Variants in LMTK3 observed in about 807,000 individuals in gnomAD.
LMTK3 encodes the protein serine/threonine-protein kinase LMTK3.
A neutral mutation model predicts 116.7 loss-of-function variants in LMTK3; 27 were observed. The ratio of observed to expected loss-of-function variants is 0.23; its 90% CI spans 0.17 to 0.32. The LOEUF (loss-of-function observed/expected upper bound fraction) is 0.32. Ranked by LOEUF, LMTK3 falls within the 10% of genes least tolerant of loss-of-function variation. LMTK3 has a pLI of 1.00. For synonymous variants in LMTK3, 965 were observed against 971.0 expected, an observed-to-expected ratio of 0.99 and a Z score of 0.11; for missense variants, 1,764 against 2,068.5, an observed-to-expected ratio of 0.85 and a Z score of 2.86.
In LMTK3 at chr19:48,499,388, C is replaced by A; in HGVS notation, c.1681G>T (p.Asp561Tyr). ...PLFPNDWDPL[D>Y]PGVPAPQAPQ... ...GCCTGAGGGGCGGGCACTCCTGGGT[C>A]CAGGGGGTCCCAGTCGTTGGGGAAG... Residue 561 changes from aspartate to tyrosine, a missense_variant, in exon 11 of 15, where the codon GAC becomes TAC. Coordinates refer to ENST00000600059, the MANE Select transcript of LMTK3 (RefSeq NM_001388485.1). 1 of 1,446,102 alleles carries A rather than the reference C, an allele frequency of 6.9e-7. No homozygotes were observed. Among genetic ancestry groups the A allele is most frequent in the Non-Finnish European group, 9.1e-7 (1 of 1,098,652 alleles). The allele number at this position is 1,446,102 out of a possible 1,614,324, so 89.6% of individuals were successfully genotyped here. A position where few individuals can be genotyped will look rare whatever the true frequency, so the allele number is the denominator to read the frequency against.
At chr19:48,492,897 T>C (rs1601042654) in intron 12 of LMTK3, among the ~76,000 whole-genome samples, 1 of 145,714 alleles carries the variant, frequency 6.9e-6, no homozygotes, top group Non-Finnish European at 1.5e-5. Flanking sequence ...CCGCCCCAGC[T>C]CTAGGCTCGG....
chr19:48,491,497 C>T lies in LMTK3; in HGVS notation c.4135G>A (p.Gly1379Arg). Residue 1379 changes from glycine to arginine, a missense_variant, in exon 13 of 15, where the codon GGG becomes AGG. Transcript: ENST00000600059. This position sits in a 1 kb window ranked among gnomAD's most constrained non-coding sequence, Gnocchi z 5.1. The stretch of plus-strand genomic sequence containing the variant: ...GGAGGCGTTGACGGGTCCGTGTCCC[C>T]CTCGGGGGGGGCCTGGACGCTCAGC... ...NELSVQAPPE[G>R]DTDPSTPPAP... is the part of the protein sequence containing the mutation. 7.1e-7 allele frequency: 1 copy of T among 1,408,230 alleles called. No individual in the cohort carries two copies. The highest frequency in any genetic ancestry group is 9.3e-7 in the Non-Finnish European group (1 of 1,078,318). 87.2% of individuals were successfully genotyped at this position (1,408,230 alleles called of 1,614,324 possible). A position where few individuals can be genotyped will look rare whatever the true frequency, so the allele number is the denominator to read the frequency against.
chr19:48,513,081 C>T, upstream of LMTK3: 1 of 1,393,084 alleles, frequency 7.2e-7, no homozygotes, highest in South Asian at 1.2e-5. This position sits in a 1 kb window ranked among gnomAD's most constrained non-coding sequence, Gnocchi z 5.6. Flanking sequence ...TACAAAGAGT[C>T]ACACACCCAC....
intron 12 of LMTK3, 145 bp downstream of exon 12, chr19:48,493,549 C>T (rs1972265208): frequency 1.6e-6 from 2 of 1,235,170 alleles, no homozygotes; most frequent in Non-Finnish European, 2.1e-6. Flanking sequence ...CTCGGCCTCC[C>T]TTCAGGCCCC....
chr19:48,491,377 C>A lies in LMTK3; in HGVS notation c.4228+27G>T. 2 of 1,364,538 alleles carry A rather than the reference C, an allele frequency of 1.5e-6. No individual in the cohort carries two copies. The highest frequency in any genetic ancestry group is 9.5e-7 in the Non-Finnish European group (1 of 1,056,270). The allele number at this position is 1,364,538 out of a possible 1,614,324, so 84.5% of individuals were successfully genotyped here. On this transcript the variant is annotated intron_variant, in intron 13 of 14. Coordinates refer to ENST00000600059, the MANE Select transcript of LMTK3 (RefSeq NM_001388485.1). The surrounding 1 kb of genome is among the most constrained non-coding windows in gnomAD (Gnocchi z 5.1). The stretch of plus-strand genomic sequence containing the variant: ...CCGTCCGCCCCATGGCTCCCGCCCC[C>A]TCCCGCCCCATAGGGCCCGTCCTCA...
At chr19:48,508,363 C>G (rs185486729) in intron 5 of LMTK3, among the ~76,000 whole-genome samples, 32 of 152,196 alleles carry the variant, frequency 2.1e-4, no homozygotes, top group African/African-American at 6.7e-4. Flanking sequence ...ATTTATCTGG[C>G]AAATGGATAC....
Position 48,499,790 on chromosome 19 carries a change from G to T in LMTK3, c.1279C>A (p.Arg427=). ...PRPPPPPPPP[R]DGPFPWPWPP... Reference sequence around the variant, plus strand: ...CAGGGCCAGGGGAAGGGACCGTCTCGGGGTGGGGGTGGCGGCGGTGGGGGC... The same window carrying T: ...CAGGGCCAGGGGAAGGGACCGTCTCTGGGTGGGGGTGGCGGCGGTGGGGGC... Residue 427 remains arginine, a synonymous_variant, in exon 11 of 15, where the codon CGA becomes AGA. Transcript: ENST00000600059. The T allele has an allele frequency of 6.5e-7, 1 of 1,541,576 alleles. No individual in the cohort carries two copies. Among genetic ancestry groups the T allele is most frequent in the Non-Finnish European group, 8.8e-7 (1 of 1,142,756 alleles).
chr19:48,496,296 C>CTT (rs1365263028), intron 11 of LMTK3, among the ~76,000 whole-genome samples: 5 of 142,202 alleles, frequency 3.5e-5, no homozygotes, highest in African/African-American at 1.4e-4. Flanking sequence ...TTTTCTTTTT[C>CTT]TTTTCTTTTT....
Position 48,499,800 on chromosome 19 carries a change from T to C in LMTK3, c.1269A>G (p.Pro423=). ...SERPPRPPPP[P]PPPRDGPFPW... is the part of the protein sequence containing the mutation. ...GGAAGGGACCGTCTCGGGGTGGGGG[T>C]GGCGGCGGTGGGGGCCGGGGAGGCC... The change falls in exon 11 of 15, where the codon CCA becomes CCG. Residue 423 remains proline, a synonymous_variant. Transcript: ENST00000600059. The C allele has an allele frequency of 2.3e-6, 1 of 430,052 alleles. No individual in the cohort carries two copies. The highest frequency in any genetic ancestry group is 1.3e-4 in the East Asian group (1 of 7,916). 26.6% of individuals were successfully genotyped at this position (430,052 alleles called of 1,614,324 possible).
chr19:48,499,789 C>T lies in LMTK3; in HGVS notation c.1280G>A (p.Arg427Gln). 7.1e-6 allele frequency: 3 copies of T among 420,364 alleles called. No individual in the cohort carries two copies. The highest frequency in any genetic ancestry group is 6.6e-5 in the South Asian group (2 of 30,394). The allele number at this position is 420,364 out of a possible 1,614,324, so 26.0% of individuals were successfully genotyped here. A position where few individuals can be genotyped will look rare whatever the true frequency, so the allele number is the denominator to read the frequency against. The change falls in exon 11 of 15, where the codon CGA becomes CAA. Residue 427 changes from arginine (R) to glutamine (Q), a missense_variant. Arg to Gln is a conservative substitution (Grantham distance 43). Coordinates refer to ENST00000600059, the MANE Select transcript of LMTK3 (RefSeq NM_001388485.1). ...CCAGGGCCAGGGGAAGGGACCGTCTCGGGGTGGGGGTGGCGGCGGTGGGGG... is the reference window on the plus strand; with the variant it reads ...CCAGGGCCAGGGGAAGGGACCGTCTTGGGGTGGGGGTGGCGGCGGTGGGGG... ...PRPPPPPPPP[R>Q]DGPFPWPWPP...
At chr19:48,513,358 A>G (rs1262601711), upstream of LMTK3, 2 of 627,508 alleles carry the variant, frequency 3.2e-6, no homozygotes, top group Admixed American at 4.9e-5. This position sits in a 1 kb window ranked among gnomAD's most constrained non-coding sequence, Gnocchi z 5.6. Flanking sequence ...AGATGAGGCA[A>G]CTGAGGCACA....
At chr19:48,489,508 G>A (rs1024634385) in intron 14 of LMTK3, among the ~76,000 whole-genome samples, 6 of 151,448 alleles carry the variant, frequency 4.0e-5, no homozygotes, top group Non-Finnish European at 7.4e-5. Flanking sequence ...GGGAGGTGGA[G>A]GTTGCAATGA....
rs763199425 is a variant in LMTK3, at chr19:48,497,839, G to T, written c.3230C>A (p.Pro1077Gln). ...GGETAPGPLG[P>Q]APKNGTLEPG... ...TTCCAGCGTCCCGTTCTTGGGGGCT[G>T]GGCCAAGGGGGCCAGGGGCTGTCTC... is the stretch of plus-strand genomic sequence containing the variant. The change falls in exon 11 of 15, where the codon CCA (proline) becomes CAA (glutamine). Residue 1077 changes from proline to glutamine, a missense_variant. Physicochemically the swap from Pro to Gln is moderately conservative, Grantham distance 76. Around this residue, in one of 7 missense-constraint regions of LMTK3, gnomAD observed 1,028 missense variants for 1,050.6 expected, o/e 0.98. Transcript: ENST00000600059. This position sits in a 1 kb window ranked among gnomAD's most constrained non-coding sequence, Gnocchi z 5.7. 22 of 1,414,974 alleles carry T rather than the reference G, an allele frequency of 1.6e-5. No homozygotes were observed. The Admixed American group carries it at 2.9e-4, about 18-fold the overall frequency. 87.7% of individuals were successfully genotyped at this position (1,414,974 alleles called of 1,614,324 possible). A position where few individuals can be genotyped will look rare whatever the true frequency, so the allele number is the denominator to read the frequency against.
At chr19:48,506,228 C>T (rs1972567198) in intron 5 of LMTK3, among the ~76,000 whole-genome samples, 1 of 151,156 alleles carries the variant, frequency 6.6e-6, no homozygotes, top group African/African-American at 2.4e-5. Flanking sequence ...ATCACTTGAG[C>T]CCAGGAGCTC....
rs779968314 is a variant in LMTK3, at chr19:48,498,159, C to T, written c.2910G>A (p.Glu970=). 1.9e-6 allele frequency: 3 copies of T among 1,613,694 alleles called. No homozygotes were observed. The highest frequency in any genetic ancestry group is 4.5e-5 in the East Asian group (2 of 44,826). ...GCTCCCCATTCTCCAGCGCTTTCTC[C>T]TCCCTCCTTGGGGGTGTCAGCTCCC... ...ENGELTPPRR[E]EKALENGELR... Residue 970 remains glutamate, a synonymous_variant, in exon 11 of 15, where the codon GAG becomes GAA. Coordinates refer to ENST00000600059, the MANE Select transcript of LMTK3 (RefSeq NM_001388485.1).
intron 1 of LMTK3, 39 bp downstream of exon 1, chr19:48,511,462 T>TG: frequency 1.1e-6 from 1 of 937,844 alleles, no homozygotes; most frequent in Non-Finnish European, 1.5e-6. Flanking sequence ...GCCGCGGGGG[T>TG]GGGGGCCACC....
At chr19:48,486,166 T>C (rs1317053939) in intron 14 of LMTK3, among the ~76,000 whole-genome samples, 1 of 140,392 alleles carries the variant, frequency 7.1e-6, no homozygotes, top group Non-Finnish European at 1.5e-5. Flanking sequence ...TTCACGCCAT[T>C]CTCCTGCCTC....
In LMTK3 at chr19:48,491,297, C is replaced by T; in HGVS notation, c.4229-52G>A. ...AGGCTGCAGACACCTGCGGCACTCCCGCCCTCTGGTCCCGCCCCTCCCGAC... is the reference window on the plus strand; with the variant it reads ...AGGCTGCAGACACCTGCGGCACTCCTGCCCTCTGGTCCCGCCCCTCCCGAC... On this transcript the variant is annotated intron_variant, in intron 13 of 14. Coordinates refer to ENST00000600059, the MANE Select transcript of LMTK3 (RefSeq NM_001388485.1). The surrounding 1 kb of genome is among the most constrained non-coding windows in gnomAD (Gnocchi z 5.1). The T allele has an allele frequency of 7.4e-7, 1 of 1,350,000 alleles. No homozygotes were observed. Among genetic ancestry groups the T allele is most frequent in the Non-Finnish European group, 9.5e-7 (1 of 1,048,018 alleles). 83.6% of individuals were successfully genotyped at this position (1,350,000 alleles called of 1,614,324 possible). A position where few individuals can be genotyped will look rare whatever the true frequency, so the allele number is the denominator to read the frequency against.
At position 48,487,720 on chromosome 19, in the gene LMTK3, G is replaced by A. The variant is rs148906133; in HGVS notation, c.4367-1931C>T. The stretch of plus-strand genomic sequence containing the variant: ...GTACAGACCAGAAAGCTAAGGTCCA[G>A]GAGGTGCAGGTTCTCGTTGGGGGCC... On this transcript the variant is annotated intron_variant, in intron 14 of 14. Transcript: ENST00000600059. Among the ~76,000 whole-genome samples the A allele has an allele frequency of 2.4e-3, 366 of 152,268 alleles. 3 individuals are homozygous for A. The highest frequency in any genetic ancestry group is 8.4e-3 in the African/African-American group (347 of 41,538).
Sources: allele counts gnomAD v4.1 joint callset (sites outside exome capture counted in the v4.1 genomes callset), GRCh38; gene constraint gnomAD v4.1.1; regional missense constraint gnomAD v4.1.1; non-coding constraint Gnocchi (gnomAD v3.1); transcripts MANE v1.5; gene names NCBI Gene and HGNC (gene_info 2026-07-23, HGNC 2026-07-21).